The following SEC16A variants were observed in gnomAD, a reference collection of about 807,000 sequenced individuals.
The protein encoded by SEC16A is protein transport protein Sec16A.
A neutral mutation model predicts 221.9 loss-of-function variants in SEC16A; 110 were observed. That is an observed-to-expected ratio of 0.50 (90% CI 0.42 to 0.58). SEC16A has a LOEUF of 0.58. Among genes scored for constraint, SEC16A ranks in the 20% least tolerant of loss-of-function variants. The pLI, the probability that SEC16A is intolerant of heterozygous loss-of-function variation, is 0.00. For missense variants in SEC16A, 3,165 were observed against 3,097.8 expected (o/e 1.02, Z -0.52); for synonymous variants, 1,393 against 1,257.7 (o/e 1.11, Z -2.28).
chr9:136,446,987 C>T lies in SEC16A; in HGVS notation c.6698-38G>A, dbSNP rs113815840. The T allele has an allele frequency of 2.4e-4, 388 of 1,613,056 alleles. 1 individual carries two copies. In the African/African-American group the frequency reaches 3.8e-3, roughly 16 times the overall value. ...GAGCGAGGAGGCCATCATTCCGTCCCGAACGTCCCTGGGGTCTCACTGAAG... is the reference window on the plus strand; with the variant it reads ...GAGCGAGGAGGCCATCATTCCGTCCTGAACGTCCCTGGGGTCTCACTGAAG... On this transcript the variant is annotated intron_variant, in intron 27 of 31. Coordinates refer to ENST00000684901, the MANE Select transcript of SEC16A (RefSeq NM_014866.2).
At position 136,476,249 on chromosome 9, in the gene SEC16A, T is replaced by C; in HGVS notation, c.1367A>G (p.Tyr456Cys). The change falls in exon 3 of 32, where the codon TAT (tyrosine) becomes TGT (cysteine). Residue 456 changes from tyrosine (Y) to cysteine (C), a missense_variant. This residue lies in a region of SEC16A where 2,030 missense variants were observed against 1,923.1 expected (regional missense o/e 1.06). Coordinates refer to ENST00000684901, the MANE Select transcript of SEC16A (RefSeq NM_014866.2). ...TGVPDASGSQYENVENLEFVQ... is the reference protein window; with the variant it reads ...TGVPDASGSQCENVENLEFVQ... ...AAATTCTAAGTTCTCAACATTCTCATACTGCGAGCCGCTGGCATCCGGCAC... is the reference window on the plus strand; with the variant it reads ...AAATTCTAAGTTCTCAACATTCTCACACTGCGAGCCGCTGGCATCCGGCAC... 4 of 1,613,404 alleles carry C rather than the reference T, an allele frequency of 2.5e-6. No individual in the cohort carries two copies. The highest frequency in any genetic ancestry group is 1.1e-5 in the South Asian group (1 of 91,080).
At position 136,475,912 on chromosome 9, in the gene SEC16A, A is replaced by T. The variant is rs759328562; in HGVS notation, c.1704T>A (p.Ser568=). The T allele has an allele frequency of 1.2e-5, 20 of 1,612,206 alleles. No individual in the cohort carries two copies. The Admixed American group carries it at 3.3e-4, about 27-fold the overall frequency. Residue 568 remains serine (S), a synonymous_variant, in exon 3 of 32, where the codon TCT becomes TCA. Transcript: ENST00000684901. This position sits in a 1 kb window ranked among gnomAD's most constrained non-coding sequence, Gnocchi z 5.0. The stretch of plus-strand genomic sequence containing the variant: ...CGTCTGTTTCACCTCCTACGGGAGA[A>T]GAATCGATTTGCTTAAAAAAACTAC... ...ASGSFFKQID[S]SPVGGETDET... is the part of the protein sequence containing the mutation.
chr9:136,468,853 TTTC>T (rs1280398559), intron 4 of SEC16A, among the ~76,000 whole-genome samples: 67 of 152,210 alleles, frequency 4.4e-4, no homozygotes, highest in African/African-American at 1.6e-3. Context: ...TGGACTGAGC[TTTC>T]TTTTTTTTTC....
chr9:136,464,332 G>T, intron 9 of SEC16A, 88 bp downstream of exon 9: 1 of 1,272,510 alleles, frequency 7.9e-7, no homozygotes. Flanking sequence ...CAGAGACAAG[G>T]TCTGACAATT....
chr9:136,465,890 T>C, intron 8 of SEC16A, 72 bp downstream of exon 8: 3 of 1,461,988 alleles, frequency 2.1e-6, no homozygotes, highest in Non-Finnish European at 2.8e-6. Context: ...CTGACTCCCG[T>C]GTTCAGATGC....
Position 136,463,031 on chromosome 9 carries a change from C to G in SEC16A, c.4749G>C (p.Thr1583=), listed in dbSNP as rs780156137. 4.3e-6 allele frequency: 7 copies of G among 1,612,444 alleles called. No individual in the cohort carries two copies. In the South Asian group the frequency reaches 7.7e-5, roughly 18 times the overall value. The change falls in exon 12 of 32, where the codon ACG becomes ACC. Residue 1583 remains threonine (T), a synonymous_variant. Coordinates refer to ENST00000684901, the MANE Select transcript of SEC16A (RefSeq NM_014866.2). The part of the protein sequence containing the change: ...SPNEANLIDF[T]NEAVEQVEEE... ...CTTCCACCTGCTCCACTGCCTCATT[C>G]GTGAAATCAATCAGGTTTGCTTCAT...
At chr9:136,479,904 A>T (rs1417858042) in intron 1 of SEC16A, among the ~76,000 whole-genome samples, 1 of 151,790 alleles carries the variant, frequency 6.6e-6, no homozygotes, top group African/African-American at 2.4e-5. Flanking sequence ...CGGGAGGCTG[A>T]GGTGGGAAGA....
chr9:136,457,637 C>A, intron 17 of SEC16A, 53 bp from the exon 18 acceptor site: 1 of 1,568,412 alleles, frequency 6.4e-7, no homozygotes, highest in East Asian at 2.3e-5. Context: ...CCGAGCATCG[C>A]CGATGGACAA....
At position 136,445,705 on chromosome 9, in the gene SEC16A, T is replaced by C; in HGVS notation, c.6807A>G (p.Ala2269=). 1.3e-6 allele frequency: 2 copies of C among 1,553,512 alleles called. No homozygotes were observed. Among genetic ancestry groups the C allele is most frequent in the South Asian group, 1.2e-5 (1 of 83,962 alleles). Residue 2269 remains alanine (A), a synonymous_variant, in exon 29 of 32, where the codon GCA becomes GCG. Transcript: ENST00000684901. The stretch of plus-strand genomic sequence containing the variant: ...GGAGTTCAGAGCCAGGGAGTGACGC[T>C]GCAGAGCTTAAAACCTGCCGAGGAA... ...PAPEPKVLSS[A]ASLPGSELPS... is the part of the protein sequence containing the mutation.
chr9:136,450,682 T>C (rs968698818), intron 23 of SEC16A, among the ~76,000 whole-genome samples: 1 of 152,150 alleles, frequency 6.6e-6, no homozygotes, highest in African/African-American at 2.4e-5. Flanking sequence ...ATGAGGGATA[T>C]CCAGGGCCCT....
rs371501249 is a variant in SEC16A, at chr9:136,474,504, C to T, written c.3112G>A (p.Asp1038Asn). 22 of 1,612,838 alleles carry T rather than the reference C, an allele frequency of 1.4e-5. No homozygotes were observed. Among genetic ancestry groups the T allele is most frequent in the African/African-American group, 2.7e-5 (2 of 74,936 alleles). ...RQSGPGAPNL[D>N]RFYQQVTKDA... ...TTCGTGACCTGCTGATAAAAACGGTCAAGGTTAGGCGCCCCAGGCCCAGAT... is the reference window on the plus strand; with the variant it reads ...TTCGTGACCTGCTGATAAAAACGGTTAAGGTTAGGCGCCCCAGGCCCAGAT... Residue 1038 changes from aspartate (D) to asparagine (N), a missense_variant, in exon 3 of 32, where the codon GAC becomes AAC. Coordinates refer to ENST00000684901, the MANE Select transcript of SEC16A (RefSeq NM_014866.2).
intron 4 of SEC16A, among the ~76,000 whole-genome samples, chr9:136,469,684 G>C (rs1275568626): frequency 6.6e-6 from 1 of 152,224 alleles, no homozygotes; most frequent in African/African-American, 2.4e-5. Flanking sequence ...AAGGATGTAA[G>C]AGCATTTTAT....
rs1838160898 is a variant in SEC16A, at chr9:136,453,504, A to G, written c.6083T>C (p.Val2028Ala). The change falls in exon 22 of 32, where the codon GTG (valine) becomes GCG (alanine). Residue 2028 changes from valine (V) to alanine (A), a missense_variant. Physicochemically the swap from Val to Ala is moderately conservative, Grantham distance 64. This residue lies in a region of SEC16A where 1,088 missense variants were observed against 1,089.6 expected (regional missense o/e 1.00). Coordinates refer to ENST00000684901, the MANE Select transcript of SEC16A (RefSeq NM_014866.2). The stretch of plus-strand genomic sequence containing the variant: ...GTTTCCAACAGGCGCCTCCTGCGGC[A>G]CTATCCCTGTCAACGGGAAAGAGAG... ...QEARSPDPGIVPQEAPVGNSL... is the reference protein window; with the variant it reads ...QEARSPDPGIAPQEAPVGNSL... 6 of 1,612,490 alleles carry G rather than the reference A, an allele frequency of 3.7e-6. No individual in the cohort carries two copies. The East Asian group carries it at 1.3e-4, about 36-fold the overall frequency.
chr9:136,446,775 GA>G, intron 28 of SEC16A, 79 bp downstream of exon 28: 1 of 1,423,474 alleles, frequency 7.0e-7, no homozygotes, highest in Non-Finnish European at 9.5e-7. Flanking sequence ...CTGACTTGCA[GA>G]AGGCAAGGCC....
intron 19 of SEC16A, 117 bp downstream of exon 19, chr9:136,455,936 A>G: frequency 8.5e-7 from 1 of 1,182,240 alleles, no homozygotes; most frequent in Non-Finnish European, 1.2e-6. Context: ...GGGAATTCTC[A>G]TAGGCACACG....
rs748095356 is a variant in SEC16A, at chr9:136,474,129, GGTA to G, written c.3484_3486del (p.Tyr1162del). 1.4e-5 allele frequency: 22 copies of G among 1,613,142 alleles called. No individual in the cohort carries two copies. The highest frequency in any genetic ancestry group is 2.2e-5 in the East Asian group (1 of 44,902). ...GGCTGGTAGGCATCGTACAAAGGCC[GGTA>G]GTAGTAGTAGGCGGCCAGGTCCTGA... On this transcript the variant is annotated inframe_deletion, in exon 3 of 32. Transcript: ENST00000684901.
chr9:136,469,113 G>C (rs990325144), intron 4 of SEC16A, among the ~76,000 whole-genome samples: 5 of 152,128 alleles, frequency 3.3e-5, no homozygotes, highest in African/African-American at 1.2e-4. Context: ...GCCTCCTAAA[G>C]TGCTGGGATT....
In SEC16A at chr9:136,466,105, G is replaced by A. The variant is rs778255040; in HGVS notation, c.4160C>T (p.Ala1387Val). ...SQIYRSHNVA[A>V]GSYEAPLPPG... Reference sequence around the variant, plus strand: ...AGGAAGCGGGGCCTCGTAGGAACCGGCAGCCACATTGTGGCTTCTGTAAAT... The same window carrying A: ...AGGAAGCGGGGCCTCGTAGGAACCGACAGCCACATTGTGGCTTCTGTAAAT... The change falls in exon 8 of 32, where the codon GCC becomes GTC. Residue 1387 changes from alanine (A) to valine (V), a missense_variant. This residue lies in a region of SEC16A where 2,030 missense variants were observed against 1,923.1 expected (regional missense o/e 1.06). Transcript: ENST00000684901. This position sits in a 1 kb window ranked among gnomAD's most constrained non-coding sequence, Gnocchi z 5.5. 46 of 1,605,456 alleles carry A rather than the reference G, an allele frequency of 2.9e-5. No homozygotes were observed. Among genetic ancestry groups the A allele is most frequent in the Non-Finnish European group, 3.8e-5 (45 of 1,174,964 alleles).
chr9:136,480,820 G>A (rs1378170639), intron 1 of SEC16A, among the ~76,000 whole-genome samples: 3 of 152,176 alleles, frequency 2.0e-5, no homozygotes, highest in African/African-American at 7.2e-5. Context: ...AACCTGGGAG[G>A]CGGAGCTTGC....
Sources: gnomAD v4.1 joint callset for allele counts (sites outside exome capture counted in the v4.1 genomes callset) on GRCh38, gnomAD v4.1.1 for gene constraint, gnomAD v4.1.1 regional missense constraint, Gnocchi (gnomAD v3.1) non-coding constraint, MANE v1.5 for transcripts, NCBI Gene and HGNC (gene_info 2026-07-23, HGNC 2026-07-21) for gene names.